Variants in NLRP1 observed in about 807,000 individuals in gnomAD.
NLRP1 encodes NACHT, LRR and PYD domains-containing protein 1.
Under a neutral mutation model 136.7 loss-of-function variants are expected in NLRP1, and 94 were observed. The observed-to-expected ratio is 0.69, with a 90% confidence interval of 0.58 to 0.82. The LOEUF is 0.82. Ranked by LOEUF, NLRP1 falls within the 40% of genes least tolerant of loss-of-function variation. The probability of loss-of-function intolerance (pLI) is 0.00; values close to 1 mark genes in which losing one functional copy is unlikely to be tolerated. For missense variants in NLRP1, 1,575 were observed against 1,802.7 expected, an observed-to-expected ratio of 0.87 and a Z score of 2.29; for synonymous variants, 690 against 725.1, an observed-to-expected ratio of 0.95 and a Z score of 0.78.
intron 5 of NLRP1, among the ~76,000 whole-genome samples, chr17:5,543,692 G>C (rs1402890925): frequency 6.6e-6 from 1 of 151,718 alleles, no homozygotes; most frequent in Non-Finnish European, 1.5e-5. Flanking sequence ...CCCTGAGGAA[G>C]TGGAGGTGGC....
intron 3 of NLRP1, among the ~76,000 whole-genome samples, chr17:5,577,927 A>G (rs1443318160): frequency 6.6e-6 from 1 of 152,188 alleles, no homozygotes; most frequent in Admixed American, 6.5e-5. Context: ...GACCAATGGA[A>G]CAGAACAGAG....
chr17:5,533,216 G>A, intron 10 of NLRP1, 88 bp downstream of exon 10: 3 of 1,540,536 alleles, frequency 1.9e-6, no homozygotes, highest in Admixed American at 2.0e-5. Flanking sequence ...TGGAATAGAA[G>A]TGCCACTCTC....
downstream of NLRP1, among the ~76,000 whole-genome samples, chr17:5,510,724 GCTGGTCTTGAACTC>G (rs1907583759): frequency 6.6e-6 from 1 of 152,064 alleles, no homozygotes. Flanking sequence ...TGTTGCCCAG[GCTGGTCTTGAACTC>G]CTGGTCTCAA....
rs145943343 is a variant in NLRP1, at chr17:5,539,192, T to G, written c.2870+223A>C. On this transcript the variant is annotated intron_variant, in intron 7 of 16. Coordinates refer to ENST00000572272, the MANE Select transcript of NLRP1 (RefSeq NM_033004.4). Reference sequence around the variant, plus strand: ...TGCCTGTCCTTGTTTTTATATACATTTTATTTCATTACAATCCATGAAGTG... The same window carrying G: ...TGCCTGTCCTTGTTTTTATATACATGTTATTTCATTACAATCCATGAAGTG... Among the ~76,000 whole-genome samples, 409 of 152,308 alleles carry G rather than the reference T, an allele frequency of 2.7e-3. 2 individuals are homozygous for G. The highest frequency in any genetic ancestry group is 5.0e-3 in the East Asian group (26 of 5,178).
chr17:5,512,217 G>T, downstream of NLRP1: 6 of 1,424,316 alleles, frequency 4.2e-6, no homozygotes, highest in Non-Finnish European at 6.0e-6. Flanking sequence ...CATGAAGTTG[G>T]CAACCACTAC....
intron 5 of NLRP1, among the ~76,000 whole-genome samples, chr17:5,548,320 T>C (rs560050434): frequency 2.0e-5 from 3 of 152,308 alleles, no homozygotes; most frequent in Non-Finnish European, 4.4e-5. Flanking sequence ...CTCTCTTCCC[T>C]GTCCTCATCT....
At chr17:5,557,268 G>C (rs931386587) in intron 4 of NLRP1, among the ~76,000 whole-genome samples, 1 of 151,662 alleles carries the variant, frequency 6.6e-6, no homozygotes, top group Non-Finnish European at 1.5e-5. Context: ...GCCTCCCAAA[G>C]TACTGGAATT....
chr17:5,560,089 G>T (rs1567662864), intron 3 of NLRP1, 46 bp from the exon 4 acceptor site: 5 of 1,457,658 alleles, frequency 3.4e-6, no homozygotes, highest in East Asian at 2.4e-5. Flanking sequence ...GAGAATAGAA[G>T]AATTAATTAA....
At chr17:5,547,569 A>G (rs1408536066) in intron 5 of NLRP1, among the ~76,000 whole-genome samples, 1 of 152,196 alleles carries the variant, frequency 6.6e-6, no homozygotes, top group Non-Finnish European at 1.5e-5. Context: ...GAATTAACAG[A>G]TATGGAGTTG....
At chr17:5,545,610 T>C (rs1330649289) in intron 5 of NLRP1, among the ~76,000 whole-genome samples, 1 of 151,996 alleles carries the variant, frequency 6.6e-6, no homozygotes, top group African/African-American at 2.4e-5. Context: ...GATTTTAGAG[T>C]GCACCAGGCC....
At chr17:5,534,171 G>T (rs1161772724) in intron 8 of NLRP1, among the ~76,000 whole-genome samples, 183 bp from the exon 9 acceptor site, 1 of 152,056 alleles carries the variant, frequency 6.6e-6, no homozygotes, top group Non-Finnish European at 1.5e-5. Flanking sequence ...AGACCAGCTT[G>T]GGTAACATAG....
At chr17:5,543,928 G>A (rs1057306206) in intron 5 of NLRP1, among the ~76,000 whole-genome samples, 1 of 152,166 alleles carries the variant, frequency 6.6e-6, no homozygotes, top group Non-Finnish European at 1.5e-5. Flanking sequence ...ACAGGGCCCC[G>A]TGCTCAGAAG....
At chr17:5,568,807 C>T (rs1226638946) in intron 3 of NLRP1, among the ~76,000 whole-genome samples, 1 of 152,136 alleles carries the variant, frequency 6.6e-6, no homozygotes, top group Admixed American at 6.5e-5. Flanking sequence ...CATAGAGGTA[C>T]CACCTTAATA....
intron 12 of NLRP1, among the ~76,000 whole-genome samples, chr17:5,523,411 C>G (rs944306227): frequency 2.0e-5 from 3 of 152,228 alleles, no homozygotes; most frequent in African/African-American, 7.2e-5. Flanking sequence ...TCCGTATTTT[C>G]CTGATGTGAC....
chr17:5,508,353 G>A (rs1330686509), intron 15 of NLRP1, among the ~76,000 whole-genome samples: 3 of 152,178 alleles, frequency 2.0e-5, no homozygotes, highest in Admixed American at 6.5e-5. Flanking sequence ...GTCTTGCTAT[G>A]TTGCCTAGGC....
chr17:5,527,293 AG>A (rs1157768215), intron 12 of NLRP1, among the ~76,000 whole-genome samples: 12 of 152,234 alleles, frequency 7.9e-5, no homozygotes, highest in African/African-American at 2.9e-4. Flanking sequence ...GTTTTAAGAA[AG>A]TTTACGAATT....
chr17:5,512,434 G>T, downstream of NLRP1: 1 of 810,652 alleles, frequency 1.2e-6, no homozygotes, highest in Admixed American at 1.9e-5. Flanking sequence ...AGGGCAATCC[G>T]CAATTCCACG....
rs562156987 is a variant in NLRP1 at position 5,558,142 on chromosome 17, C to T, written c.2357+197G>A. Among the ~76,000 whole-genome samples the T allele has an allele frequency of 2.6e-5, 4 of 152,214 alleles. No individual in the cohort carries two copies. The South Asian group carries it at 8.3e-4, about 32-fold the overall frequency. On this transcript the variant is annotated intron_variant, in intron 4 of 16. Coordinates refer to ENST00000572272, the MANE Select transcript of NLRP1 (RefSeq NM_033004.4). ...CTCCAGAAGCAAGCAGGGCCTGCCC[C>T]ACAGCCGGGCACTGCAGAGGAGCTT...
At position 5,582,677 on chromosome 17, in the gene NLRP1, G is replaced by A; in HGVS notation, c.441C>T (p.Arg147=). The A allele has an allele frequency of 1.9e-6, 3 of 1,614,114 alleles. No individual in the cohort carries two copies. The highest frequency in any genetic ancestry group is 2.5e-6 in the Non-Finnish European group (3 of 1,180,000). Residue 147 remains arginine, a synonymous_variant, in exon 2 of 17, where the codon CGC becomes CGT. Coordinates refer to ENST00000572272, the MANE Select transcript of NLRP1 (RefSeq NM_033004.4). ...TGCCTCAGCAAGCCTCACCTCTCCAGCGGCGTCCAGATGTGTCAGGCAGCT... is the reference window on the plus strand; with the variant it reads ...TGCCTCAGCAAGCCTCACCTCTCCAACGGCGTCCAGATGTGTCAGGCAGCT... ...LRQLPDTSGR[R]WREISASLLY... is the part of the protein sequence containing the mutation.
Sources: allele counts gnomAD v4.1 joint callset (sites outside exome capture counted in the v4.1 genomes callset), GRCh38; gene constraint gnomAD v4.1.1; transcripts MANE v1.5; gene names NCBI Gene and HGNC (gene_info 2026-07-23, HGNC 2026-07-21).